ELOVL7: variants seen among roughly 807,000 people sequenced by gnomAD.
ELOVL7 encodes very long chain fatty acid elongase 7.
Under a neutral mutation model 35.7 loss-of-function variants are expected in ELOVL7, and 27 were observed. The ratio of observed to expected loss-of-function variants is 0.76; its 90% CI spans 0.56 to 1.04. The LOEUF is 1.04. Ranked by LOEUF, ELOVL7 falls within the 50% of genes least tolerant of loss-of-function variation. ELOVL7 has a pLI of 0.00. For missense variants in ELOVL7, 327 were observed against 340.8 expected (o/e 0.96, Z 0.32); for synonymous variants, 113 against 114.6 (o/e 0.99, Z 0.09).
chr5:60,775,604 C>T (rs1185731745), intron 3 of ELOVL7, among the ~76,000 whole-genome samples: 1 of 152,142 alleles, frequency 6.6e-6, no homozygotes, highest in East Asian at 1.9e-4. Context: ...GTAACCAAAA[C>T]AGCATGGTAT....
intron 2 of ELOVL7, among the ~76,000 whole-genome samples, chr5:60,790,687 T>C (rs1162105393): frequency 6.6e-6 from 1 of 151,334 alleles, no homozygotes; most frequent in Admixed American, 6.6e-5. Flanking sequence ...TAATGTGGGG[T>C]TGTGAGCAGG....
At chr5:60,764,168 T>G in intron 7 of ELOVL7, 59 bp downstream of exon 7, 1 of 1,082,566 alleles carries the variant, frequency 9.2e-7, no homozygotes, top group Non-Finnish European at 1.4e-6. Flanking sequence ...AAAAATATTT[T>G]GTTTTTAGCA....
At chr5:60,824,452 G>A (rs750142990) in intron 1 of ELOVL7, among the ~76,000 whole-genome samples, 1 of 152,150 alleles carries the variant, frequency 6.6e-6, no homozygotes, top group Non-Finnish European at 1.5e-5. Context: ...GAAAGGCAGA[G>A]GCAACAAAGC....
At chr5:60,761,568 T>C (rs1288442885) in intron 7 of ELOVL7, among the ~76,000 whole-genome samples, 2 of 152,182 alleles carry the variant, frequency 1.3e-5, no homozygotes, top group African/African-American at 4.8e-5. Context: ...AGTAACTCTT[T>C]TATCAGACAT....
At chr5:60,800,373 G>T (rs929168309) in intron 1 of ELOVL7, among the ~76,000 whole-genome samples, 1 of 152,076 alleles carries the variant, frequency 6.6e-6, no homozygotes. Flanking sequence ...TAAAATGGAA[G>T]ACCAAAACCA....
At position 60,799,993 on chromosome 5, in the gene ELOVL7, C is replaced by T. The variant is rs77859537; in HGVS notation, c.-85-763G>A. ...CGGAGGTTGCAGTGAGCTGAGATCA[C>T]GCTATTGCACACCAGCCTGGGCTCA... On this transcript the variant is annotated intron_variant, in intron 1 of 8. Coordinates refer to ENST00000508821, the MANE Select transcript of ELOVL7 (RefSeq NM_024930.3). 7.1e-4 allele frequency among the ~76,000 whole-genome samples: 97 copies of T among 136,494 alleles called. 3 individuals carry two copies. The East Asian group carries it at 0.02, about 28-fold the overall frequency. 89.5% of individuals were successfully genotyped at this position (136,494 alleles called of 152,430 possible).
intron 1 of ELOVL7, among the ~76,000 whole-genome samples, chr5:60,804,435 A>C (rs370127065): frequency 1.4e-4 from 22 of 152,242 alleles, no homozygotes; most frequent in African/African-American, 5.1e-4. Context: ...GCAGTGCGGA[A>C]TGGGAGGATA....
At position 60,776,188 on chromosome 5, in the gene ELOVL7, G is replaced by A. The variant is rs141235935; in HGVS notation, c.65-4095C>T. Among the ~76,000 whole-genome samples the A allele has an allele frequency of 3.1e-3, 466 of 152,218 alleles. 1 individual carries two copies. The highest frequency in any genetic ancestry group is 0.027 in the Middle Eastern group (8 of 292). On this transcript the variant is annotated intron_variant, in intron 3 of 8. Coordinates refer to ENST00000508821, the MANE Select transcript of ELOVL7 (RefSeq NM_024930.3). Reference sequence around the variant, plus strand: ...CATGAACAGACACTTCACAAAAGAAGACATACAAGCGGCCAACAAACATTA... The same window carrying A: ...CATGAACAGACACTTCACAAAAGAAAACATACAAGCGGCCAACAAACATTA...
chr5:60,799,687 T>C (rs893442735), intron 1 of ELOVL7, among the ~76,000 whole-genome samples: 11 of 152,246 alleles, frequency 7.2e-5, no homozygotes, highest in Admixed American at 5.9e-4. Context: ...AAACCTCCCA[T>C]AAAATAAAAG....
chr5:60,820,381 A>G (rs1005198833), intron 1 of ELOVL7, among the ~76,000 whole-genome samples: 4 of 152,270 alleles, frequency 2.6e-5, no homozygotes, highest in African/African-American at 9.6e-5. Context: ...TGTTATTTCA[A>G]TGAACTTAAA....
chr5:60,778,945 A>G (rs1191332837), intron 3 of ELOVL7, among the ~76,000 whole-genome samples: 1 of 152,214 alleles, frequency 6.6e-6, no homozygotes, highest in Non-Finnish European at 1.5e-5. Context: ...CCCATTCCAA[A>G]TGGCAGAAAT....
In ELOVL7 at chr5:60,790,350, T is replaced by C. The variant is rs551353018; in HGVS notation, c.-34-2919A>G. ...TTTTATACTGTTGTTTTGTGGCTCA[T>C]ATAGATATTTTACCTATCTAAAAAT... On this transcript the variant is annotated intron_variant, in intron 2 of 8. Coordinates refer to ENST00000508821, the MANE Select transcript of ELOVL7 (RefSeq NM_024930.3). 1.5e-4 allele frequency among the ~76,000 whole-genome samples: 23 copies of C among 152,330 alleles called. No individual in the cohort carries two copies. In the South Asian group the frequency reaches 3.7e-3, roughly 25 times the overall value.
intron 1 of ELOVL7, among the ~76,000 whole-genome samples, chr5:60,843,846 T>C (rs2112427166): frequency 6.6e-6 from 1 of 151,910 alleles, no homozygotes; most frequent in South Asian, 2.1e-4. Context: ...TTCGGGATGC[T>C]GCCGGGTGGG....
chr5:60,817,790 CAT>C (rs1330399391), intron 1 of ELOVL7, among the ~76,000 whole-genome samples: 2 of 139,844 alleles, frequency 1.4e-5, no homozygotes, highest in African/African-American at 5.3e-5. Flanking sequence ...ATATATATAC[CAT>C]ATATATACAC....
At chr5:60,767,928 AG>A in intron 4 of ELOVL7, 25 bp from the exon 5 acceptor site, 1 of 1,588,042 alleles carries the variant, frequency 6.3e-7, no homozygotes, top group African/African-American at 1.3e-5. Flanking sequence ...ATGCATATTA[AG>A]AAAGGAAAGC....
At chr5:60,802,345 G>T (rs1355848298) in intron 1 of ELOVL7, among the ~76,000 whole-genome samples, 1 of 151,958 alleles carries the variant, frequency 6.6e-6, no homozygotes, top group Admixed American at 6.6e-5. Flanking sequence ...GGAAAATTCT[G>T]ATGGGCCAGG....
At chr5:60,783,908 T>C (rs1388434162) in intron 3 of ELOVL7, among the ~76,000 whole-genome samples, 1 of 152,132 alleles carries the variant, frequency 6.6e-6, no homozygotes, top group Non-Finnish European at 1.5e-5. Flanking sequence ...ATGTACCTTC[T>C]TTTTGGCATC....
intron 4 of ELOVL7, among the ~76,000 whole-genome samples, chr5:60,770,054 A>C (rs1387022518): frequency 2.2e-5 from 1 of 44,680 alleles, no homozygotes; most frequent in Non-Finnish European, 3.5e-5. Context: ...CTTTCTGGTG[A>C]AAAAAAAAAA....
At chr5:60,799,984 C>A (rs1329809213) in intron 1 of ELOVL7, among the ~76,000 whole-genome samples, 1 of 138,626 alleles carries the variant, frequency 7.2e-6, no homozygotes, top group Non-Finnish European at 1.5e-5. Flanking sequence ...TTGCAGTGAG[C>A]TGAGATCACG....
Sources: gnomAD v4.1 joint callset for allele counts (sites outside exome capture counted in the v4.1 genomes callset) on GRCh38, gnomAD v4.1.1 for gene constraint, MANE v1.5 for transcripts, NCBI Gene and HGNC (gene_info 2026-07-23, HGNC 2026-07-21) for gene names.